The following CCDC9 variants were observed in gnomAD, a reference collection of about 807,000 sequenced individuals.
CCDC9 encodes the protein coiled-coil domain containing 9, also known as coiled-coil domain-containing protein 9.
In CCDC9, 52 loss-of-function variants were observed where a neutral mutation model predicts 65.6. The ratio of observed to expected loss-of-function variants is 0.79; its 90% CI spans 0.63 to 1.00. The LOEUF (loss-of-function observed/expected upper bound fraction) is 1.00, where lower values mean the gene tolerates loss of function less well. Ranked by LOEUF, CCDC9 falls within the 50% of genes least tolerant of loss-of-function variation. The probability of loss-of-function intolerance (pLI) is 0.00; values close to 1 mark genes in which losing one functional copy is unlikely to be tolerated. For missense variants in CCDC9, 834 were observed against 757.2 expected (o/e 1.10, Z -1.19); for synonymous variants, 332 against 280.3 (o/e 1.18, Z -1.84).
rs563018612 is a variant in CCDC9, at chr19:47,260,590, G to A, written c.213G>A (p.Glu71=). The A allele has an allele frequency of 6.5e-6, 10 of 1,530,556 alleles. No individual in the cohort carries two copies. The South Asian group carries it at 1.3e-4, about 20-fold the overall frequency. The allele number at this position is 1,530,556 out of a possible 1,614,324, so 94.8% of individuals were successfully genotyped here. The change falls in exon 5 of 12, where the codon GAG becomes GAA. Residue 71 remains glutamate, a splice_region_variant and synonymous_variant. Coordinates refer to ENST00000221922, the MANE Select transcript of CCDC9 (RefSeq NM_015603.3). Reference sequence around the variant, plus strand: ...TTTCCCCATCTCCCCTCTTCCAGGAGAAGAACCTGGGTCCTTCCCGGAGGT... The same window carrying A: ...TTTCCCCATCTCCCCTCTTCCAGGAAAAGAACCTGGGTCCTTCCCGGAGGT... ...VEKENVAVES[E]KNLGPSRRSP... is the part of the protein sequence containing the mutation.
chr19:47,272,116 C>G (rs1387837047), downstream of CCDC9: 24 of 1,235,742 alleles, frequency 1.9e-5, no homozygotes, highest in Non-Finnish European at 2.3e-5. Flanking sequence ...GCCCAGCCTC[C>G]GAGGAACCCA....
At chr19:47,264,503 C>G in intron 5 of CCDC9, 100 bp from the exon 6 acceptor site, 2 of 1,124,736 alleles carry the variant, frequency 1.8e-6, no homozygotes, top group South Asian at 1.4e-5. Context: ...GCAGGCCAGT[C>G]CGAGGAGAGG....
At chr19:47,272,101 A>C, downstream of CCDC9, 2 of 1,235,840 alleles carry the variant, frequency 1.6e-6, no homozygotes, top group Middle Eastern at 3.1e-4. Context: ...CTTCCCGGAG[A>C]GTGGGCCCAG....
Position 47,264,850 on chromosome 19 carries a change from T to A in CCDC9, c.624T>A (p.Ser208=), listed in dbSNP as rs746557968. ...GACGCAGCGGGCCCCTGGAGGAGTC[T>A]GAGCGGGACCGCCGGGAGGAGAGCC... ...PRRRSGPLEE[S]ERDRREESRR... The change falls in exon 7 of 12, where the codon TCT becomes TCA. Residue 208 remains serine (S), a synonymous_variant. Transcript: ENST00000221922. 6.6e-7 allele frequency: 1 copy of A among 1,519,606 alleles called. No homozygotes were observed. Among genetic ancestry groups the A allele is most frequent in the East Asian group, 2.3e-5 (1 of 43,674 alleles). 94.1% of individuals were successfully genotyped at this position (1,519,606 alleles called of 1,614,324 possible).
intron 1 of CCDC9, among the ~76,000 whole-genome samples, chr19:47,256,814 C>T (rs1369984719): frequency 6.8e-6 from 1 of 146,154 alleles, no homozygotes; most frequent in Non-Finnish European, 1.5e-5. Flanking sequence ...TGGCCAGAGC[C>T]TGGGCCGGCG....
chr19:47,272,301 T>G, downstream of CCDC9: 8 of 458,914 alleles, frequency 1.7e-5, no homozygotes, highest in Non-Finnish European at 2.3e-5. Context: ...AAGGGTGAGC[T>G]CGGATAGGGA....
At chr19:47,258,785 G>T (rs1283780691) in intron 3 of CCDC9, 122 bp downstream of exon 3, 2 of 689,652 alleles carry the variant, frequency 2.9e-6, no homozygotes, top group Non-Finnish European at 5.1e-6. Flanking sequence ...AAGGCCAAAG[G>T]CCTTAGCCTG....
At chr19:47,265,356 G>A (rs1053230843) in intron 7 of CCDC9, among the ~76,000 whole-genome samples, 1 of 152,046 alleles carries the variant, frequency 6.6e-6, no homozygotes, top group African/African-American at 2.4e-5. Flanking sequence ...TGCTTGCCCA[G>A]GATTTTAATT....
chr19:47,258,783 A>T, intron 3 of CCDC9, 120 bp downstream of exon 3: 2 of 714,794 alleles, frequency 2.8e-6, no homozygotes, highest in Non-Finnish European at 4.9e-6. Context: ...TAAAGGCCAA[A>T]GGCCTTAGCC....
rs574694719 is a variant in CCDC9, at chr19:47,260,268, C to T, written c.109-53C>T. The T allele has an allele frequency of 1.9e-3, 2,490 of 1,331,358 alleles. 1 individual carries two copies. Among genetic ancestry groups the T allele is most frequent in the Non-Finnish European group, 2.5e-3 (2,321 of 946,716 alleles). The allele number at this position is 1,331,358 out of a possible 1,614,324, so 82.5% of individuals were successfully genotyped here. On this transcript the variant is annotated intron_variant, in intron 3 of 11. Coordinates refer to ENST00000221922, the MANE Select transcript of CCDC9 (RefSeq NM_015603.3). ...GGAGGAGTTCAGGGGTCTGGGAGTC[C>T]GTCTGGCAGACAGGGCACCTGATGC...
intron 5 of CCDC9, among the ~76,000 whole-genome samples, chr19:47,263,323 G>A (rs2059057817): frequency 6.6e-6 from 1 of 152,092 alleles, no homozygotes; most frequent in Non-Finnish European, 1.5e-5. Context: ...ATTTATCACA[G>A]TGAAAGAGAT....
chr19:47,275,701 CTG>C, downstream of CCDC9: 1 of 327,886 alleles, frequency 3.0e-6, no homozygotes, highest in Non-Finnish European at 5.9e-6. Context: ...CTGCCTCGTG[CTG>C]TGTCTGTCCT....
In CCDC9 at chr19:47,270,537, C is replaced by A; in HGVS notation, c.950-16C>A. ...CCACACCTTCCCTTCCCAATGACAC[C>A]TGGGTTCTGTTGCAGATGACCAGGC... On this transcript the variant is annotated splice_polypyrimidine_tract_variant and intron_variant, in intron 9 of 11. Transcript: ENST00000221922. 1 of 1,614,176 alleles carries A rather than the reference C, an allele frequency of 6.2e-7. No individual in the cohort carries two copies. The highest frequency in any genetic ancestry group is 8.5e-7 in the Non-Finnish European group (1 of 1,180,026).
Position 47,271,404 on chromosome 19 carries a change from GTGA to G in CCDC9, c.1326_1328del (p.Asp442del), listed in dbSNP as rs1340771607. On this transcript the variant is annotated inframe_deletion, in exon 12 of 12. Transcript: ENST00000221922. The stretch of plus-strand genomic sequence containing the variant: ...GAGGAGGAGATCGAGGTGGAAGAAG[GTGA>G]TGAGGAGGAACCAGCCCAAGACCAC... 3.7e-6 allele frequency: 6 copies of G among 1,611,258 alleles called. No individual in the cohort carries two copies. The highest frequency in any genetic ancestry group is 8.5e-7 in the Non-Finnish European group (1 of 1,178,886).
chr19:47,259,153 A>G (rs1225422967), intron 3 of CCDC9, among the ~76,000 whole-genome samples: 2 of 152,212 alleles, frequency 1.3e-5, no homozygotes, highest in African/African-American at 4.8e-5. Context: ...TGTTTCAGGC[A>G]GAAAGAACAG....
Position 47,270,461 on chromosome 19 carries a change from G to A in CCDC9, c.949+8G>A. The A allele has an allele frequency of 6.2e-7, 1 of 1,614,212 alleles. No individual in the cohort carries two copies. The highest frequency in any genetic ancestry group is 8.5e-7 in the Non-Finnish European group (1 of 1,180,040). On this transcript the variant is annotated splice_region_variant and intron_variant, in intron 9 of 11. Coordinates refer to ENST00000221922, the MANE Select transcript of CCDC9 (RefSeq NM_015603.3). ...AACCATCCCACCGCTATGGTGAGTG[G>A]GTGCCCTTGGATGAGCTGAGGCTCG...
downstream of CCDC9, chr19:47,274,852 G>A (rs2059146411): frequency 5.4e-6 from 6 of 1,116,134 alleles, no homozygotes; most frequent in South Asian, 4.3e-5. Flanking sequence ...GGTCTGCGGG[G>A]TGGGGGCGGG....
Position 47,264,893 on chromosome 19 carries a change from T to G in CCDC9, c.667T>G (p.Trp223Gly), listed in dbSNP as rs2059070902. The change falls in exon 7 of 12, where the codon TGG (tryptophan) becomes GGG (glycine). Residue 223 changes from tryptophan to glycine, a missense_variant. Trp to Gly is a radical substitution (Grantham distance 184, BLOSUM62 -2). Coordinates refer to ENST00000221922, the MANE Select transcript of CCDC9 (RefSeq NM_015603.3). Reference sequence around the variant, plus strand: ...GGAGAGCCGCCGGCACGGCCGCAACTGGGGGGGCCCCGACTTCGAGCGGGT... The same window carrying G: ...GGAGAGCCGCCGGCACGGCCGCAACGGGGGGGGCCCCGACTTCGAGCGGGT... ...REESRRHGRN[W>G]GGPDFERVRC... 4.1e-6 allele frequency: 6 copies of G among 1,472,284 alleles called. No individual in the cohort carries two copies. The highest frequency in any genetic ancestry group is 5.4e-6 in the Non-Finnish European group (6 of 1,114,036). The allele number at this position is 1,472,284 out of a possible 1,614,324, so 91.2% of individuals were successfully genotyped here.
At position 47,264,900 on chromosome 19, in the gene CCDC9, GC is replaced by G. The variant is rs766609342; in HGVS notation, c.678del (p.Asp227ThrfsTer26). ...ESRRHGRNWGGPDFERVRCGL... is the reference protein window; with the variant it reads ...ESRRHGRNWGXPDFERVRCGL... ...CGCCGGCACGGCCGCAACTGGGGGG[GC>G]CCCGACTTCGAGCGGGTGCGCTGTG... On this transcript the variant is annotated frameshift_variant, in exon 7 of 12. Coordinates refer to ENST00000221922, the MANE Select transcript of CCDC9 (RefSeq NM_015603.3). LOFTEE classifies it high-confidence loss of function. 7 of 1,469,400 alleles carry G rather than the reference GC, an allele frequency of 4.8e-6. No individual in the cohort carries two copies. Among genetic ancestry groups the G allele is most frequent in the South Asian group, 1.4e-5 (1 of 70,440 alleles). 91.0% of individuals were successfully genotyped at this position (1,469,400 alleles called of 1,614,324 possible). A position where few individuals can be genotyped will look rare whatever the true frequency, so the allele number is the denominator to read the frequency against.
Sources: gnomAD v4.1 joint callset for allele counts (sites outside exome capture counted in the v4.1 genomes callset) on GRCh38, gnomAD v4.1.1 for gene constraint, MANE v1.5 for transcripts, NCBI Gene and HGNC (gene_info 2026-07-23, HGNC 2026-07-21) for gene names.